MTF2: variants seen among roughly 807,000 people sequenced by gnomAD.
MTF2 encodes metal-response element-binding transcription factor 2.
Under a neutral mutation model 79.5 loss-of-function variants are expected in MTF2, and 11 were observed. The ratio of observed to expected loss-of-function variants is 0.14; its 90% CI spans 0.09 to 0.23. MTF2 has a LOEUF of 0.23. Among genes scored for constraint, MTF2 ranks in the 10% least tolerant of loss-of-function variants. MTF2 has a pLI of 1.00. For synonymous variants in MTF2, 208 were observed against 232.8 expected (o/e 0.89, Z 0.97); for missense variants, 486 against 711.2 (o/e 0.68, Z 3.60).
chr1:93,112,062 T>A (rs1463519635), intron 3 of MTF2, among the ~76,000 whole-genome samples: 1 of 152,164 alleles, frequency 6.6e-6, no homozygotes, highest in East Asian at 1.9e-4. Flanking sequence ...GATAGAAAGT[T>A]GTTGTGTGAG....
At position 93,110,561 on chromosome 1, in the gene MTF2, A is replaced by G. The variant is rs777985864; in HGVS notation, c.221A>G (p.Gln74Arg). The part of the protein sequence containing the change: ...GTIKKINILK[Q>R]SCFIIFEDSS... ...GTATTGCAGATAAACATATTGAAAC[A>G]GAGCTGCTTCATCATATTTGAAGAC... is the stretch of plus-strand genomic sequence containing the variant. The change falls in exon 3 of 15, where the codon CAG becomes CGG. Residue 74 changes from glutamine to arginine, a missense_variant. This residue lies in a region of MTF2 where 177 missense variants were observed against 364.0 expected (regional missense o/e 0.49). Transcript: ENST00000370298. 2 of 1,613,546 alleles carry G rather than the reference A, an allele frequency of 1.2e-6. No homozygotes were observed. Among genetic ancestry groups the G allele is most frequent in the East Asian group, 4.5e-5 (2 of 44,878 alleles).
intron 11 of MTF2, 107 bp downstream of exon 11, chr1:93,129,555 C>A: frequency 1.3e-5 from 9 of 701,368 alleles, no homozygotes; most frequent in African/African-American, 2.0e-5. Flanking sequence ...GGCAGTTACT[C>A]TGATTTTTTT....
At chr1:93,095,642 C>T (rs1655257025) in intron 1 of MTF2, among the ~76,000 whole-genome samples, 1 of 143,208 alleles carries the variant, frequency 7.0e-6, no homozygotes, top group African/African-American at 2.6e-5. Context: ...CCCTGCCTGG[C>T]TATTTCTCTG....
At chr1:93,119,288 C>G in intron 7 of MTF2, 45 bp from the exon 8 acceptor site, 1 of 1,341,892 alleles carries the variant, frequency 7.5e-7, no homozygotes, top group Non-Finnish European at 1.0e-6. Flanking sequence ...TAGTTTATCT[C>G]TGATGACTCA....
At chr1:93,114,345 G>C (rs754000489) in intron 3 of MTF2, among the ~76,000 whole-genome samples, 5 of 152,226 alleles carry the variant, frequency 3.3e-5, no homozygotes, top group Non-Finnish European at 7.3e-5. Context: ...AGTAGCTCTA[G>C]TGTTCACAAA....
chr1:93,124,905 C>G (rs1319398219), intron 9 of MTF2, among the ~76,000 whole-genome samples: 1 of 151,864 alleles, frequency 6.6e-6, no homozygotes, highest in Non-Finnish European at 1.5e-5. Flanking sequence ...TGATGCTCTT[C>G]TAATGTAGAT....
At chr1:93,117,354 A>G (rs548187490) in intron 6 of MTF2, among the ~76,000 whole-genome samples, 1 of 152,082 alleles carries the variant, frequency 6.6e-6, no homozygotes, top group Non-Finnish European at 1.5e-5. Context: ...CAATGTAGCA[A>G]TGTAGCCCTG....
At chr1:93,133,112 C>T (rs1647211501) in intron 11 of MTF2, among the ~76,000 whole-genome samples, 1 of 151,810 alleles carries the variant, frequency 6.6e-6, no homozygotes, top group Non-Finnish European at 1.5e-5. Flanking sequence ...TGAATGACTC[C>T]CTGAGAATAT....
At chr1:93,134,031 T>C (rs375512454) in intron 13 of MTF2, 51 bp downstream of exon 13, 1 of 1,547,832 alleles carries the variant, frequency 6.5e-7, no homozygotes, top group African/African-American at 1.4e-5. Flanking sequence ...TTTGAGTAGA[T>C]ATTAATATTT....
intron 1 of MTF2, among the ~76,000 whole-genome samples, chr1:93,091,045 AC>A (rs966430794): frequency 2.6e-5 from 4 of 152,038 alleles, no homozygotes; most frequent in Non-Finnish European, 5.9e-5. Context: ...TGCCCCTAAA[AC>A]TTTTTTGACC....
At chr1:93,129,804 C>G (rs931378003) in intron 11 of MTF2, among the ~76,000 whole-genome samples, 3 of 152,004 alleles carry the variant, frequency 2.0e-5, no homozygotes, top group Non-Finnish European at 4.4e-5. Flanking sequence ...TTTCAAGTGC[C>G]TTATTATCTA....
At chr1:93,136,412 TA>T (rs1647401612) in intron 14 of MTF2, among the ~76,000 whole-genome samples, 2 of 152,092 alleles carry the variant, frequency 1.3e-5, no homozygotes, top group South Asian at 4.1e-4. Context: ...GCCTCCTAAG[TA>T]AAAAAATTAC....
chr1:93,131,884 G>A (rs1300930068), intron 11 of MTF2, among the ~76,000 whole-genome samples: 4 of 152,216 alleles, frequency 2.6e-5, no homozygotes, highest in Non-Finnish European at 5.9e-5. Context: ...GATGGGTACA[G>A]ATGCCAGTTC....
chr1:93,115,115 G>T, intron 5 of MTF2, 27 bp downstream of exon 5: 1 of 1,482,194 alleles, frequency 6.7e-7, no homozygotes. Flanking sequence ...TTGGGCTAAA[G>T]CTCTGATGGA....
rs549461064 is a variant in MTF2 at position 93,082,462 on chromosome 1, A to T, written c.5+2931A>T. 2.0e-5 allele frequency among the ~76,000 whole-genome samples: 3 copies of T among 151,460 alleles called. No homozygotes were observed. In the South Asian group the frequency reaches 6.3e-4, roughly 32 times the overall value. Reference sequence around the variant, plus strand: ...CACCTGGCTAATTTTTAAATTTTTAATTTTTTTTGTGGAGACGGGATCTTA... The same window carrying T: ...CACCTGGCTAATTTTTAAATTTTTATTTTTTTTTGTGGAGACGGGATCTTA... On this transcript the variant is annotated intron_variant, in intron 1 of 14. Coordinates refer to ENST00000370298, the MANE Select transcript of MTF2 (RefSeq NM_007358.4).
chr1:93,117,445 CT>C (rs1475112961), intron 6 of MTF2, among the ~76,000 whole-genome samples: 1 of 152,166 alleles, frequency 6.6e-6, no homozygotes, highest in African/African-American at 2.4e-5. Flanking sequence ...ATTTTAGCAT[CT>C]TTAGCTTTCT....
intron 1 of MTF2, among the ~76,000 whole-genome samples, chr1:93,104,409 T>G (rs1166662676): frequency 2.6e-5 from 4 of 151,892 alleles, no homozygotes; most frequent in African/African-American, 9.6e-5. Context: ...CCCCGGGCGC[T>G]GTGGCTCAGG....
chr1:93,121,746 T>C, intron 9 of MTF2: 1 of 923,948 alleles, frequency 1.1e-6, no homozygotes, highest in Non-Finnish European at 1.3e-6. Context: ...TTAAATACTT[T>C]TTTTTTAGAT....
Position 93,110,565 on chromosome 1 carries a change from C to G in MTF2, c.225C>G (p.Ser75Arg). ...TGCAGATAAACATATTGAAACAGAG[C>G]TGCTTCATCATATTTGAAGACAGTT... ...TIKKINILKQ[S>R]CFIIFEDSSK... Residue 75 changes from serine to arginine, a missense_variant, in exon 3 of 15, where the codon AGC becomes AGG. Physicochemically the swap from Ser to Arg is moderately radical, Grantham distance 110. Coordinates refer to ENST00000370298, the MANE Select transcript of MTF2 (RefSeq NM_007358.4). The G allele has an allele frequency of 6.2e-7, 1 of 1,613,466 alleles. No individual in the cohort carries two copies. Among genetic ancestry groups the G allele is most frequent in the Non-Finnish European group, 8.5e-7 (1 of 1,179,512 alleles).
Sources: gnomAD v4.1 joint callset for allele counts (sites outside exome capture counted in the v4.1 genomes callset) on GRCh38, gnomAD v4.1.1 for gene constraint, gnomAD v4.1.1 regional missense constraint, MANE v1.5 for transcripts, NCBI Gene and HGNC (gene_info 2026-07-23, HGNC 2026-07-21) for gene names.